The following RTTN variants were observed in gnomAD, a reference collection of about 807,000 sequenced individuals.
The protein encoded by RTTN is rotatin.
RTTN carries 182 observed loss-of-function variants against 269.2 expected under a neutral mutation model. That is an observed-to-expected ratio of 0.68 (90% CI 0.60 to 0.76). The LOEUF (loss-of-function observed/expected upper bound fraction) is 0.76. RTTN is among the 30% of genes least tolerant of loss of function. The pLI is 0.00. For synonymous variants in RTTN, 1,006 were observed against 963.5 expected (o/e 1.04, Z -0.82); for missense variants, 2,545 against 2,608.6 (o/e 0.98, Z 0.53).
chr18:70,072,562 A>C (rs114535350), intron 34 of RTTN, among the ~76,000 whole-genome samples: 2,476 of 152,214 alleles, frequency 0.016, 65 homozygotes, highest in African/African-American at 0.057. Context: ...TTTTGTATTT[A>C]GGTTTTCTTG....
intron 10 of RTTN, among the ~76,000 whole-genome samples, chr18:70,178,181 A>G (rs2061346646): frequency 6.6e-6 from 1 of 152,222 alleles, no homozygotes; most frequent in Non-Finnish European, 1.5e-5. Context: ...GTGAGCCAAG[A>G]TCACACCACT....
intron 40 of RTTN, among the ~76,000 whole-genome samples, chr18:70,038,373 A>G (rs2057239646): frequency 6.6e-6 from 1 of 152,196 alleles, no homozygotes. Context: ...AGGGATGCTA[A>G]TATCACCACA....
chr18:70,028,610 C>T, intron 43 of RTTN, 114 bp downstream of exon 43: 1 of 591,488 alleles, frequency 1.7e-6, no homozygotes, highest in South Asian at 2.4e-5. Context: ...AACTGTGTGT[C>T]TAAAAATTTA....
intron 27 of RTTN, among the ~76,000 whole-genome samples, chr18:70,113,392 G>A (rs2059524591): frequency 6.6e-6 from 1 of 152,156 alleles, no homozygotes; most frequent in African/African-American, 2.4e-5. Flanking sequence ...ACAGGTGTTG[G>A]TGAGGATATG....
chr18:70,131,384 GAA>G (rs1046291777), intron 23 of RTTN: 1 of 144,008 alleles, frequency 6.9e-6, no homozygotes, highest in Non-Finnish European at 1.5e-5. Context: ...GACAATAAAA[GAA>G]AAAAAAAAGA....
Position 70,075,483 on chromosome 18 carries a change from T to G in RTTN, c.4433A>C (p.Gln1478Pro), listed in dbSNP as rs563890928. The change falls in exon 33 of 49, where the codon CAG becomes CCG. Residue 1478 changes from glutamine (Q) to proline (P), a missense_variant. By Grantham distance (76) the Gln-to-Pro change is moderately conservative. Transcript: ENST00000640769. ...AAAATGGCAGTGATATAAAAGAGCC[T>G]GAAGGGCAGGTTTTCCAATGAGCGA... ...GLSLIGKPAL[Q>P]ALLYHCHFYE... 2 of 1,605,042 alleles carry G rather than the reference T, an allele frequency of 1.2e-6. No homozygotes were observed. The highest frequency in any genetic ancestry group is 4.5e-5 in the East Asian group (2 of 44,396).
chr18:70,060,079 C>G, intron 35 of RTTN, 37 bp from the exon 36 acceptor site: 1 of 1,513,406 alleles, frequency 6.6e-7, no homozygotes, highest in Non-Finnish European at 9.0e-7. Context: ...TATTATTTAC[C>G]TTACAGCTAT....
intron 33 of RTTN, chr18:70,074,863 AAAAT>A (rs1354333657): frequency 1.3e-5 from 2 of 151,976 alleles, no homozygotes; most frequent in Non-Finnish European, 2.9e-5. Flanking sequence ...GTAACATACT[AAAAT>A]AAATAACTTT....
chr18:70,150,508 T>C lies in RTTN; in HGVS notation c.2055+100A>G, dbSNP rs12606964. 1,019,253 of 1,085,162 alleles carry C rather than the reference T, an allele frequency of 0.94. 483,277 individuals are homozygous for C. The highest frequency in any genetic ancestry group is 1 in the East Asian group (39,166 of 39,178). 67.2% of individuals were successfully genotyped at this position (1,085,162 alleles called of 1,614,324 possible). A position where few individuals can be genotyped will look rare whatever the true frequency, so the allele number is the denominator to read the frequency against. ...AATGCACCAAAGACAGGTTTCTTTT[T>C]AGTTTCTCACCATGCTATCTAAACT... is the stretch of plus-strand genomic sequence containing the variant. On this transcript the variant is annotated intron_variant, in intron 15 of 48. Coordinates refer to ENST00000640769, the MANE Select transcript of RTTN (RefSeq NM_173630.4).
chr18:70,176,848 G>T lies in RTTN; in HGVS notation c.1306-3C>A. 2 of 1,611,444 alleles carry T rather than the reference G, an allele frequency of 1.2e-6. No individual in the cohort carries two copies. The highest frequency in any genetic ancestry group is 1.7e-6 in the Non-Finnish European group (2 of 1,178,622). On this transcript the variant is annotated splice_polypyrimidine_tract_variant and splice_region_variant and intron_variant, in intron 10 of 48. Coordinates refer to ENST00000640769, the MANE Select transcript of RTTN (RefSeq NM_173630.4). ...AACACCAGGAGTAGTTTCTCCTTCT[G>T]AAAACATTTACACAACATGAAACAG...
intron 10 of RTTN, among the ~76,000 whole-genome samples, chr18:70,185,180 G>A (rs73966829): frequency 0.087 from 13,216 of 151,940 alleles, 1,251 homozygotes; most frequent in African/African-American, 0.23. Context: ...CTTACCTTGT[G>A]CTAGATACAA....
chr18:70,084,621 A>G (rs2058655218), intron 32 of RTTN, among the ~76,000 whole-genome samples: 1 of 149,560 alleles, frequency 6.7e-6, no homozygotes, highest in African/African-American at 2.5e-5. Flanking sequence ...AACAAAAATA[A>G]CCAAAAAAAA....
intron 44 of RTTN, 73 bp downstream of exon 44, chr18:70,024,649 C>G: frequency 1.5e-6 from 2 of 1,364,712 alleles, no homozygotes; most frequent in East Asian, 4.6e-5. Flanking sequence ...TTAGTTTTTC[C>G]AGTCCACCTT....
intron 21 of RTTN, 93 bp from the exon 22 acceptor site, chr18:70,135,373 A>T: frequency 1.4e-6 from 1 of 732,110 alleles, no homozygotes; most frequent in South Asian, 1.8e-5. Flanking sequence ...AGAGAAAAGA[A>T]ATGCAACATA....
rs1288669512 is a variant in RTTN, at chr18:70,081,323, GA to G, written c.4374+5289del. ...ACCTGTTCCCCAATAACCTATGGGG[GA>G]AAAAAAAGTAAAACAAAACAAAACA... is the stretch of plus-strand genomic sequence containing the variant. On this transcript the variant is annotated intron_variant, in intron 32 of 48. Transcript: ENST00000640769. Among the ~76,000 whole-genome samples the G allele has an allele frequency of 6.6e-5, 10 of 151,298 alleles. No individual in the cohort carries two copies. The East Asian group carries it at 1.7e-3, about 26-fold the overall frequency.
intron 28 of RTTN, among the ~76,000 whole-genome samples, chr18:70,103,263 C>T (rs1037721668): frequency 3.9e-5 from 6 of 152,064 alleles, no homozygotes; most frequent in Admixed American, 2.6e-4. Context: ...TCTGAAGAGA[C>T]AGCGACCATC....
rs553026526 is a variant in RTTN at position 70,084,222 on chromosome 18, C to A, written c.4374+2391G>T. Among the ~76,000 whole-genome samples the A allele has an allele frequency of 1.5e-4, 9 of 58,100 alleles. No homozygotes were observed. In the South Asian group the frequency reaches 8.5e-3, roughly 55 times the overall value. 38.1% of individuals were successfully genotyped at this position (58,100 alleles called of 152,430 possible). On this transcript the variant is annotated intron_variant, in intron 32 of 48. Transcript: ENST00000640769. ...AAAGTGCAAAGCAATAGAAGCAATTCTCTTTGTTAAAAAAAAAAAATCAAA... is the reference window on the plus strand; with the variant it reads ...AAAGTGCAAAGCAATAGAAGCAATTATCTTTGTTAAAAAAAAAAAATCAAA...
At chr18:70,150,971 T>C (rs921759482) in intron 14 of RTTN, among the ~76,000 whole-genome samples, 6 of 151,740 alleles carry the variant, frequency 4.0e-5, no homozygotes, top group Admixed American at 3.3e-4. Flanking sequence ...AACAAACGGC[T>C]GAGACAACCA....
At chr18:70,012,297 A>C (rs899096046) in intron 46 of RTTN, among the ~76,000 whole-genome samples, 2 of 148,810 alleles carry the variant, frequency 1.3e-5, no homozygotes, top group Non-Finnish European at 3.0e-5. Flanking sequence ...GGTATTAGTT[A>C]CAGGGCAGCG....
Sources: gnomAD v4.1 joint callset for allele counts (sites outside exome capture counted in the v4.1 genomes callset) on GRCh38, gnomAD v4.1.1 for gene constraint, MANE v1.5 for transcripts, NCBI Gene and HGNC (gene_info 2026-07-23, HGNC 2026-07-21) for gene names.